The following ADGRL2 variants were observed in gnomAD, a reference collection of about 807,000 sequenced individuals.
The protein encoded by ADGRL2 is adhesion G protein-coupled receptor L2, also known as calcium-independent alpha-latrotoxin receptor 2.
A neutral mutation model predicts 157.4 loss-of-function variants in ADGRL2; 44 were observed. The ratio of observed to expected loss-of-function variants is 0.28; its 90% confidence interval spans 0.22 to 0.36. ADGRL2 has a LOEUF of 0.36. ADGRL2 is among the 10% of genes least tolerant of loss of function. The probability of loss-of-function intolerance (pLI) is 1.00; values close to 1 mark genes in which losing one functional copy is unlikely to be tolerated. For synonymous variants in ADGRL2, 585 were observed against 624.7 expected (o/e 0.94, Z 0.95); for missense variants, 1,510 against 1,768.9 (o/e 0.85, Z 2.63).
intron 2 of ADGRL2, among the ~76,000 whole-genome samples, chr1:81,469,339 AT>A (rs1005979709): frequency 6.6e-6 from 1 of 152,136 alleles, no homozygotes; most frequent in Non-Finnish European, 1.5e-5. Flanking sequence ...CTTGCGGTTG[AT>A]TTCAGGGACA....
At chr1:81,542,747 C>T (rs2079915827) in intron 2 of ADGRL2, among the ~76,000 whole-genome samples, 3 of 152,142 alleles carry the variant, frequency 2.0e-5, no homozygotes, top group African/African-American at 7.2e-5. Flanking sequence ...TAGTTAATAA[C>T]CAGATAAGAG....
chr1:81,761,549 T>C (rs910416316), intron 1 of ADGRL2, among the ~76,000 whole-genome samples: 8 of 152,032 alleles, frequency 5.3e-5, no homozygotes, highest in African/African-American at 1.7e-4. Context: ...GACAATGTTC[T>C]CCTAATTCTA....
rs1290443596 is a variant in ADGRL2 at position 81,990,371 on chromosome 1, C to T, written c.3656-20C>T. 6.2e-7 allele frequency: 1 copy of T among 1,603,374 alleles called. No individual in the cohort carries two copies. Among genetic ancestry groups the T allele is most frequent in the Non-Finnish European group, 8.5e-7 (1 of 1,172,998 alleles). ...AAAGGAACAGAGACAGTAATGATAA[C>T]TCCCCCTCTTCTGTTTCAGGACATT... is the stretch of plus-strand genomic sequence containing the variant. On this transcript the variant is annotated intron_variant, in intron 23 of 23. Transcript: ENST00000686636.
At chr1:81,945,176 A>C (rs2148982809) in intron 6 of ADGRL2, among the ~76,000 whole-genome samples, 1 of 152,208 alleles carries the variant, frequency 6.6e-6, no homozygotes, top group East Asian at 1.9e-4. Context: ...ATGTTTGCTC[A>C]TGAGGCAGCA....
intron 3 of ADGRL2, among the ~76,000 whole-genome samples, chr1:81,662,301 G>A (rs1231251477): frequency 1.3e-5 from 2 of 148,690 alleles, no homozygotes; most frequent in African/African-American, 5.0e-5. Context: ...TGTCACCTAG[G>A]CTGGAGTGCA....
At chr1:81,829,111 C>T (rs1003573082) in intron 1 of ADGRL2, among the ~76,000 whole-genome samples, 18 of 151,988 alleles carry the variant, frequency 1.2e-4, no homozygotes, top group Admixed American at 2.6e-4. Context: ...GGGGTTTCAC[C>T]GCATTGGCCA....
chr1:81,798,882 G>A (rs2087724300), upstream of ADGRL2, among the ~76,000 whole-genome samples: 1 of 151,894 alleles, frequency 6.6e-6, no homozygotes, highest in Non-Finnish European at 1.5e-5. Context: ...AAAGAAAATA[G>A]GATTAGACTG....
chr1:81,633,253 A>G (rs1198254028), intron 3 of ADGRL2, among the ~76,000 whole-genome samples: 1 of 152,162 alleles, frequency 6.6e-6, no homozygotes, highest in African/African-American at 2.4e-5. Context: ...AATATCTCAC[A>G]CATCCCATCT....
intron 2 of ADGRL2, among the ~76,000 whole-genome samples, chr1:81,455,367 T>C (rs2077782743): frequency 6.6e-6 from 1 of 152,206 alleles, no homozygotes; most frequent in Non-Finnish European, 1.5e-5. Context: ...TGGCCAGACC[T>C]GAATTCTATT....
intron 2 of ADGRL2, among the ~76,000 whole-genome samples, chr1:81,454,012 C>A (rs2101755166): frequency 6.6e-6 from 1 of 152,252 alleles, no homozygotes; most frequent in Middle Eastern, 3.4e-3. Flanking sequence ...CAATAACAAT[C>A]AGTACTTATG....
Position 81,978,170 on chromosome 1 carries a change from A to G in ADGRL2, c.3022-1699A>G, listed in dbSNP as rs551511318. On this transcript the variant is annotated intron_variant, in intron 17 of 23. Coordinates refer to ENST00000686636, the MANE Select transcript of ADGRL2 (RefSeq NM_001366006.2). ...TTAAAAGCCTAATCAGATATGTACTATACTACCAAAGGACCTCTAATTTCT... is the reference window on the plus strand; with the variant it reads ...TTAAAAGCCTAATCAGATATGTACTGTACTACCAAAGGACCTCTAATTTCT... 2.0e-5 allele frequency among the ~76,000 whole-genome samples: 3 copies of G among 151,806 alleles called. No homozygotes were observed. In the South Asian group the frequency reaches 6.2e-4, roughly 31 times the overall value.
At chr1:81,721,112 T>G (rs1007978367) in intron 1 of ADGRL2, among the ~76,000 whole-genome samples, 19 of 150,770 alleles carry the variant, frequency 1.3e-4, no homozygotes, top group African/African-American at 4.6e-4. Flanking sequence ...ACACAAGCGA[T>G]CCTCCTGCGT....
intron 1 of ADGRL2, chr1:81,722,751 G>T (rs1411702848): frequency 1.2e-6 from 1 of 843,262 alleles, no homozygotes; most frequent in Non-Finnish European, 2.0e-6. Context: ...GAGTTAAGAA[G>T]GCTCAAGAAG....
At chr1:81,802,226 G>A (rs1461258077) in intron 1 of ADGRL2, among the ~76,000 whole-genome samples, 2 of 152,076 alleles carry the variant, frequency 1.3e-5, no homozygotes, top group Admixed American at 6.5e-5. Context: ...GCTCGCAGAC[G>A]GAGGTAAGAG....
chr1:81,638,446 A>G, intron 3 of ADGRL2, among the ~76,000 whole-genome samples: 1 of 152,210 alleles, frequency 6.6e-6, no homozygotes, highest in South Asian at 2.1e-4. Flanking sequence ...AATAGCAACA[A>G]CATATTTGAT....
intron 1 of ADGRL2, among the ~76,000 whole-genome samples, chr1:81,349,158 G>T (rs551854311): frequency 6.6e-6 from 1 of 152,090 alleles, no homozygotes; most frequent in African/African-American, 2.4e-5. Context: ...CTAAGATTAG[G>T]CTTAAATCAA....
intron 11 of ADGRL2, among the ~76,000 whole-genome samples, chr1:81,961,518 T>TG (rs1467665259): frequency 6.6e-6 from 1 of 150,772 alleles, no homozygotes; most frequent in Non-Finnish European, 1.5e-5. Flanking sequence ...TCTTTTTTTT[T>TG]TTTTTTGAGA....
At chr1:81,330,319 CAT>C (rs781478841) in intron 1 of ADGRL2, among the ~76,000 whole-genome samples, 43 of 152,214 alleles carry the variant, frequency 2.8e-4, no homozygotes, top group Non-Finnish European at 5.1e-4. Flanking sequence ...GAATGAAACA[CAT>C]GTGATACACT....
intron 3 of ADGRL2, among the ~76,000 whole-genome samples, chr1:81,597,565 G>C (rs781092439): frequency 3.9e-4 from 59 of 152,102 alleles, no homozygotes; most frequent in Non-Finnish European, 1.5e-4. Flanking sequence ...AGGTAGAACA[G>C]GCATTATTGT....
Sources: gnomAD v4.1 joint callset for allele counts (sites outside exome capture counted in the v4.1 genomes callset) on GRCh38, gnomAD v4.1.1 for gene constraint, MANE v1.5 for transcripts, NCBI Gene and HGNC (gene_info 2026-07-23, HGNC 2026-07-21) for gene names.